Variants in SGCZ observed in about 807,000 individuals in gnomAD.
SGCZ encodes the protein zeta-sarcoglycan.
A neutral mutation model predicts 41.3 loss-of-function variants in SGCZ; 40 were observed. The observed-to-expected ratio is 0.97, with a 90% CI of 0.75 to 1.26. The LOEUF is 1.26. Ranked by LOEUF, SGCZ falls within the 50% of genes most tolerant of loss-of-function variation. The pLI is 0.00. For synonymous variants in SGCZ, 206 were observed against 137.5 expected, an observed-to-expected ratio of 1.50 and a Z score of -3.49; for missense variants, 552 against 369.8, an observed-to-expected ratio of 1.49 and a Z score of -4.04.
intron 1 of SGCZ, among the ~76,000 whole-genome samples, chr8:14,838,556 G>C (rs1443289046): frequency 1.3e-5 from 2 of 152,064 alleles, no homozygotes; most frequent in East Asian, 3.9e-4. Context: ...GAATTACTCA[G>C]ACTAGGCAAT....
intron 1 of SGCZ, among the ~76,000 whole-genome samples, chr8:14,578,183 G>C (rs1376733483): frequency 6.6e-6 from 1 of 152,152 alleles, no homozygotes; most frequent in Non-Finnish European, 1.5e-5. Flanking sequence ...AAAGAGAAAT[G>C]GCAAAGCACT....
At chr8:14,558,383 T>A (rs367910704) in intron 1 of SGCZ, among the ~76,000 whole-genome samples, 1 of 152,084 alleles carries the variant, frequency 6.6e-6, no homozygotes, top group Admixed American at 6.6e-5. Context: ...AAGACCAGCC[T>A]GGCCAACATG....
At chr8:14,218,649 T>A (rs982850494) in intron 4 of SGCZ, among the ~76,000 whole-genome samples, 3 of 152,242 alleles carry the variant, frequency 2.0e-5, no homozygotes. Flanking sequence ...TGCTAATGAC[T>A]TGTTACTTGC....
chr8:14,755,554 C>T (rs1378167152), intron 1 of SGCZ, among the ~76,000 whole-genome samples: 1 of 152,040 alleles, frequency 6.6e-6, no homozygotes, highest in Non-Finnish European at 1.5e-5. Context: ...ACTTTTAAAC[C>T]CTCAATTTCT....
At chr8:15,181,931 A>G (rs2603521) in intron 1 of SGCZ, among the ~76,000 whole-genome samples, 72,643 of 151,924 alleles carry the variant, frequency 0.48, 18,795 homozygotes, top group Non-Finnish European at 0.58. Flanking sequence ...TCAACTTTCA[A>G]TTTTTGAACC....
intron 3 of SGCZ, among the ~76,000 whole-genome samples, chr8:14,281,299 T>A (rs978227562): frequency 7.9e-5 from 12 of 151,984 alleles, no homozygotes; most frequent in African/African-American, 2.7e-4. Flanking sequence ...TTCATGATTA[T>A]GTGCTAGGCC....
intron 1 of SGCZ, among the ~76,000 whole-genome samples, chr8:15,096,033 C>T (rs1392809467): frequency 6.6e-6 from 1 of 151,980 alleles, no homozygotes; most frequent in Non-Finnish European, 1.5e-5. Flanking sequence ...TCAAACTGTG[C>T]CTTATTTAAT....
intron 2 of SGCZ, among the ~76,000 whole-genome samples, chr8:14,464,767 T>G (rs906608256): frequency 2.0e-5 from 3 of 151,648 alleles, no homozygotes; most frequent in African/African-American, 7.2e-5. Context: ...TGGTGTATTC[T>G]TTAAGTTTTG....
chr8:14,277,573 G>A (rs571282263), intron 3 of SGCZ, among the ~76,000 whole-genome samples: 2 of 152,140 alleles, frequency 1.3e-5, no homozygotes, highest in Non-Finnish European at 2.9e-5. Context: ...AGTCAATGAA[G>A]TAAAAGTTAT....
At chr8:14,654,013 G>A (rs1213016367) in intron 1 of SGCZ, among the ~76,000 whole-genome samples, 1 of 151,974 alleles carries the variant, frequency 6.6e-6, no homozygotes, top group African/African-American at 2.4e-5. Context: ...CTTCAATGAA[G>A]CCATTTAGGA....
intron 1 of SGCZ, among the ~76,000 whole-genome samples, chr8:14,924,296 C>G (rs552081212): frequency 1.3e-5 from 2 of 152,256 alleles, no homozygotes; most frequent in East Asian, 3.9e-4. Context: ...AAGTTTTTCA[C>G]TCCTGTTAAT....
At chr8:14,730,173 T>G (rs905429923) in intron 1 of SGCZ, among the ~76,000 whole-genome samples, 2 of 152,208 alleles carry the variant, frequency 1.3e-5, no homozygotes, top group Non-Finnish European at 2.9e-5. Context: ...TCTTGTCTGC[T>G]CTCATCAGTG....
intron 1 of SGCZ, among the ~76,000 whole-genome samples, chr8:14,907,565 G>T (rs550080500): frequency 6.6e-6 from 1 of 152,068 alleles, no homozygotes; most frequent in Non-Finnish European, 1.5e-5. Context: ...TCTTAATAAA[G>T]AATAAAGGCT....
intron 4 of SGCZ, among the ~76,000 whole-genome samples, chr8:14,191,912 T>TA (rs57958233): frequency 4.2e-4 from 63 of 150,728 alleles, no homozygotes; most frequent in African/African-American, 1.1e-3. Flanking sequence ...AAATTTTATC[T>TA]AAAAAAAAAG....
intron 1 of SGCZ, among the ~76,000 whole-genome samples, chr8:14,659,585 C>T (rs1807682945): frequency 2.0e-5 from 3 of 152,104 alleles, no homozygotes; most frequent in African/African-American, 7.2e-5. Flanking sequence ...CTTGAGAGCC[C>T]ATTCCAAAAT....
intron 3 of SGCZ, among the ~76,000 whole-genome samples, chr8:14,240,911 A>C (rs1281238214): frequency 2.0e-5 from 3 of 152,184 alleles, no homozygotes; most frequent in Non-Finnish European, 4.4e-5. Flanking sequence ...ATGATGAAAA[A>C]ATCTTTCAGT....
chr8:14,894,054 C>T (rs1232894001), intron 1 of SGCZ, among the ~76,000 whole-genome samples: 2 of 152,026 alleles, frequency 1.3e-5, no homozygotes, highest in African/African-American at 2.4e-5. Flanking sequence ...CAAGTCCCTT[C>T]ACAGAAAATA....
intron 2 of SGCZ, among the ~76,000 whole-genome samples, chr8:14,378,723 C>T (rs1804239723): frequency 6.6e-6 from 1 of 152,074 alleles, no homozygotes; most frequent in Non-Finnish European, 1.5e-5. Context: ...CTGACTGAGC[C>T]CTTAACTTGT....
At chr8:15,115,382 A>G (rs940615377) in intron 1 of SGCZ, among the ~76,000 whole-genome samples, 1 of 152,250 alleles carries the variant, frequency 6.6e-6, no homozygotes, top group Non-Finnish European at 1.5e-5. Context: ...CTATGAGGAC[A>G]TGACTGTTGG....
Sources: allele counts gnomAD v4.1 joint callset (sites outside exome capture counted in the v4.1 genomes callset), GRCh38; gene constraint gnomAD v4.1.1; transcripts MANE v1.5; gene names NCBI Gene and HGNC (gene_info 2026-07-23, HGNC 2026-07-21).